CAMSAP2: variants seen among roughly 807,000 people sequenced by gnomAD.
The protein encoded by CAMSAP2 is calmodulin-regulated spectrin-associated protein 2.
Under a neutral mutation model 146.1 loss-of-function variants are expected in CAMSAP2, and 26 were observed. That is an observed-to-expected ratio of 0.18 (90% confidence interval 0.13 to 0.25). The LOEUF (loss-of-function observed/expected upper bound fraction) is 0.25. CAMSAP2 is among the 10% of genes least tolerant of loss of function. CAMSAP2 has a pLI of 1.00. For missense variants in CAMSAP2, 1,381 were observed against 1,759.3 expected (o/e 0.78, Z 3.85); for synonymous variants, 499 against 596.6 (o/e 0.84, Z 2.38).
chr1:200,743,291 A>G lies in CAMSAP2; in HGVS notation c.139+3325A>G, dbSNP rs558642697. Among the ~76,000 whole-genome samples the G allele has an allele frequency of 3.7e-4, 56 of 149,498 alleles. No individual in the cohort carries two copies. In the East Asian group the frequency reaches 3.8e-3, roughly 10 times the overall value. On this transcript the variant is annotated intron_variant, in intron 1 of 16. Transcript: ENST00000358823. ...TTCCTAGTGTCAGTTTATCACTTCA[A>G]TCTTCTCAACTATTATTCTCCTTTT...
At chr1:200,751,071 T>G (rs1376349767) in intron 1 of CAMSAP2, among the ~76,000 whole-genome samples, 1 of 151,500 alleles carries the variant, frequency 6.6e-6, no homozygotes, top group African/African-American at 2.4e-5. Context: ...CCCAGCTAAT[T>G]TTTGTATTTT....
chr1:200,738,909 CCTT>C lies in CAMSAP2; in HGVS notation c.-917_-915del, dbSNP rs1664058558. 6.6e-6 allele frequency among the ~76,000 whole-genome samples: 1 copy of C among 151,078 alleles called. No homozygotes were observed. Among genetic ancestry groups the C allele is most frequent in the Non-Finnish European group, 1.5e-5 (1 of 67,822 alleles). On this transcript the variant is annotated 5_prime_UTR_variant, in exon 1 of 17. Coordinates refer to ENST00000358823, the MANE Select transcript of CAMSAP2 (RefSeq NM_203459.4). ...CGCATGCTCAGTCTCCGCATCTGCTCCTTCATCCAGTGCCGCAGCCGGAAAACC... is the reference window on the plus strand; with the variant it reads ...CGCATGCTCAGTCTCCGCATCTGCTCCATCCAGTGCCGCAGCCGGAAAACC...
chr1:200,846,530 A>G (rs1019280157), intron 8 of CAMSAP2, among the ~76,000 whole-genome samples: 2 of 152,184 alleles, frequency 1.3e-5, no homozygotes, highest in Non-Finnish European at 2.9e-5. Context: ...GTTATTGTGT[A>G]GCCATTATTC....
chr1:200,816,901 C>CT (rs1666551953), intron 4 of CAMSAP2, among the ~76,000 whole-genome samples: 2 of 63,422 alleles, frequency 3.2e-5, no homozygotes, highest in Non-Finnish European at 5.6e-5. Context: ...TGTGTGTACA[C>CT]ACACACGCGT....
At chr1:200,851,921 CAGGTAGAA>C (rs1667628779) in intron 11 of CAMSAP2, among the ~76,000 whole-genome samples, 2 of 152,322 alleles carry the variant, frequency 1.3e-5, no homozygotes, top group African/African-American at 4.8e-5. Context: ...CCTAAGGATT[CAGGTAGAA>C]ACTAGGGCAG....
At chr1:200,764,184 G>A (rs1664878622) in intron 2 of CAMSAP2, among the ~76,000 whole-genome samples, 1 of 151,730 alleles carries the variant, frequency 6.6e-6, no homozygotes, top group Non-Finnish European at 1.5e-5. Flanking sequence ...GTGTTTAATT[G>A]CACTGAATAT....
chr1:200,758,787 C>T (rs1207015336), intron 1 of CAMSAP2, among the ~76,000 whole-genome samples: 1 of 152,066 alleles, frequency 6.6e-6, no homozygotes. Context: ...ATAACGTAGG[C>T]TTATTATTGA....
intron 13 of CAMSAP2, among the ~76,000 whole-genome samples, chr1:200,854,327 T>C (rs1201606794): frequency 6.6e-6 from 1 of 152,124 alleles, no homozygotes; most frequent in African/African-American, 2.4e-5. Flanking sequence ...GATAAATTCG[T>C]AAAAATAAAA....
chr1:200,816,734 G>A lies in CAMSAP2; in HGVS notation c.645+1090G>A, dbSNP rs202106073. ...TATATACACACGCACATATATGTGT[G>A]TACACACACACGCGTGTATATATGT... On this transcript the variant is annotated intron_variant, in intron 4 of 16. Coordinates refer to ENST00000358823, the MANE Select transcript of CAMSAP2 (RefSeq NM_203459.4). 6.0e-3 allele frequency among the ~76,000 whole-genome samples: 209 copies of A among 35,044 alleles called. 54 individuals carry two copies. The highest frequency in any genetic ancestry group is 0.022 in the East Asian group (16 of 722). 23.0% of individuals were successfully genotyped at this position (35,044 alleles called of 152,430 possible). A position where few individuals can be genotyped will look rare whatever the true frequency, so the allele number is the denominator to read the frequency against.
Position 200,858,240 on chromosome 1 carries a change from T to G in CAMSAP2, c.*181T>G, listed in dbSNP as rs999843201. 5.9e-6 allele frequency: 3 copies of G among 505,112 alleles called. No individual in the cohort carries two copies. 31.3% of individuals were successfully genotyped at this position (505,112 alleles called of 1,614,324 possible). On this transcript the variant is annotated 3_prime_UTR_variant, in exon 17 of 17. Transcript: ENST00000358823. ...ATTTTGGAGTGCAGAACATTCTCAA[T>G]TAAGTGATAAGTCCAAATGATGAAG...
chr1:200,745,867 A>T (rs1664306623), intron 1 of CAMSAP2, among the ~76,000 whole-genome samples: 1 of 152,258 alleles, frequency 6.6e-6, no homozygotes, highest in African/African-American at 2.4e-5. Flanking sequence ...GAAACAGCAG[A>T]AATATTTTCT....
At chr1:200,823,792 A>G (rs1201311912) in intron 4 of CAMSAP2, among the ~76,000 whole-genome samples, 3 of 152,234 alleles carry the variant, frequency 2.0e-5, no homozygotes, top group Non-Finnish European at 4.4e-5. Context: ...AGGGAAATTA[A>G]GCTCACTCCC....
Position 200,760,964 on chromosome 1 carries a change from C to T in CAMSAP2, c.265C>T (p.Leu89Phe), listed in dbSNP as rs753290788. 5.6e-6 allele frequency: 9 copies of T among 1,614,106 alleles called. No homozygotes were observed. The South Asian group carries it at 8.8e-5, about 16-fold the overall frequency. ...ELYCRAGSLI[L>F]KSDAAKPLLG... ...ATACTGTCGTGCTGGGAGTCTCATT[C>T]TCAAGAGTGATGCTGCAAAACCCCT... The change falls in exon 2 of 17, where the codon CTC (leucine) becomes TTC (phenylalanine). Residue 89 changes from leucine to phenylalanine, a missense_variant. Around this residue, in one of 4 missense-constraint regions of CAMSAP2, gnomAD observed 284 missense variants for 406.9 expected, o/e 0.70. Transcript: ENST00000358823.
intron 4 of CAMSAP2, among the ~76,000 whole-genome samples, chr1:200,816,775 CGTGTATATAT>C (rs1666523622): frequency 8.8e-6 from 1 of 113,140 alleles, no homozygotes; most frequent in Non-Finnish European, 1.9e-5. Flanking sequence ...CACACACACG[CGTGTATATAT>C]GTGTGTACAC....
intron 2 of CAMSAP2, among the ~76,000 whole-genome samples, chr1:200,788,411 C>T (rs1028726008): frequency 2.0e-5 from 3 of 152,068 alleles, no homozygotes; most frequent in Admixed American, 6.6e-5. Context: ...AGTGTGATTG[C>T]TGGATCATAG....
At position 200,821,651 on chromosome 1, in the gene CAMSAP2, A is replaced by G. The variant is rs1666769285; in HGVS notation, c.645+6007A>G. On this transcript the variant is annotated intron_variant, in intron 4 of 16. Coordinates refer to ENST00000358823, the MANE Select transcript of CAMSAP2 (RefSeq NM_203459.4). ...GCTGGGATTACAGGCGTAAGCCACC[A>G]CACGTGGCCATTTCTTTTTTTTATC... Among the ~76,000 whole-genome samples the G allele has an allele frequency of 2.0e-5, 3 of 152,186 alleles. No homozygotes were observed. The South Asian group carries it at 6.2e-4, about 31-fold the overall frequency.
At chr1:200,823,119 C>T (rs1331710219) in intron 4 of CAMSAP2, among the ~76,000 whole-genome samples, 2 of 152,132 alleles carry the variant, frequency 1.3e-5, no homozygotes, top group Non-Finnish European at 2.9e-5. Context: ...ATGATAGTCA[C>T]AAATTTATAA....
At chr1:200,835,912 A>G (rs1033972256) in intron 6 of CAMSAP2, among the ~76,000 whole-genome samples, 18 of 152,194 alleles carry the variant, frequency 1.2e-4, no homozygotes, top group Non-Finnish European at 2.2e-4. Flanking sequence ...TGGACTTCCA[A>G]TACATAATAT....
At chr1:200,800,027 G>A (rs1665993536) in intron 2 of CAMSAP2, among the ~76,000 whole-genome samples, 1 of 152,204 alleles carries the variant, frequency 6.6e-6, no homozygotes, top group African/African-American at 2.4e-5. Context: ...ACTGTGGTCT[G>A]AGAGACTGTT....
Sources: allele counts gnomAD v4.1 joint callset (sites outside exome capture counted in the v4.1 genomes callset), GRCh38; gene constraint gnomAD v4.1.1; regional missense constraint gnomAD v4.1.1; transcripts MANE v1.5; gene names NCBI Gene and HGNC (gene_info 2026-07-23, HGNC 2026-07-21).